CCDC7: variants seen among roughly 807,000 people sequenced by gnomAD.
CCDC7 encodes the protein coiled-coil domain-containing protein 7.
CCDC7 carries 183 observed loss-of-function variants against 196.9 expected under a neutral mutation model. That is an observed-to-expected ratio of 0.93 (90% CI 0.82 to 1.05). The LOEUF is 1.05. Ranked by LOEUF, CCDC7 falls within the 50% of genes least tolerant of loss-of-function variation. The pLI, the probability that CCDC7 is intolerant of heterozygous loss-of-function variation, is 0.00. For synonymous variants in CCDC7, 525 were observed against 484.6 expected, an observed-to-expected ratio of 1.08 and a Z score of -1.10; for missense variants, 1,540 against 1,482.2, an observed-to-expected ratio of 1.04 and a Z score of -0.64.
At chr10:32,783,590 G>T (rs141643481) in intron 29 of CCDC7, among the ~76,000 whole-genome samples, 5 of 152,300 alleles carry the variant, frequency 3.3e-5, no homozygotes, top group African/African-American at 1.2e-4. Flanking sequence ...GTGGAAAACA[G>T]TTTGGTTGTT....
intron 11 of CCDC7, among the ~76,000 whole-genome samples, chr10:32,523,652 G>T (rs2048218054): frequency 6.6e-6 from 1 of 151,822 alleles, no homozygotes; most frequent in Admixed American, 6.6e-5. Context: ...ATATCTGGGT[G>T]TTCCAGTGTT....
At chr10:32,856,763 GA>G (rs2093770455) in intron 41 of CCDC7, among the ~76,000 whole-genome samples, 1 of 152,010 alleles carries the variant, frequency 6.6e-6, no homozygotes, top group Non-Finnish European at 1.5e-5. Context: ...TAAACCTCTG[GA>G]AAACCTCTTC....
chr10:32,831,830 G>GT (rs564362279), intron 32 of CCDC7, among the ~76,000 whole-genome samples: 1 of 152,066 alleles, frequency 6.6e-6, no homozygotes, highest in Non-Finnish European at 1.5e-5. Context: ...TACAGTTAAT[G>GT]TTTTTTGTAA....
chr10:32,811,077 A>G (rs1757266989), intron 30 of CCDC7, among the ~76,000 whole-genome samples: 1 of 152,078 alleles, frequency 6.6e-6, no homozygotes, highest in African/African-American at 2.4e-5. Context: ...AAAGATTTCA[A>G]ATAAATTAAC....
rs560912353 is a variant in CCDC7, at chr10:32,783,459, T to C, written c.3013+4375T>C. Among the ~76,000 whole-genome samples, 91 of 152,256 alleles carry C rather than the reference T, an allele frequency of 6.0e-4. 3 individuals carry two copies. In the South Asian group the frequency reaches 0.019, roughly 31 times the overall value. On this transcript the variant is annotated intron_variant, in intron 29 of 41. Transcript: ENST00000639629. ...TGCAAACCAAAATCACAATAAGATA[T>C]CACTTCATAGCCATTAAGATGACTC...
At chr10:32,760,639 A>G (rs550966656) in intron 28 of CCDC7, among the ~76,000 whole-genome samples, 1 of 152,230 alleles carries the variant, frequency 6.6e-6, no homozygotes, top group South Asian at 2.1e-4. Flanking sequence ...AGATGTACCT[A>G]ATGCTAAATG....
intron 33 of CCDC7, among the ~76,000 whole-genome samples, chr10:32,839,786 G>A (rs915418828): frequency 1.4e-4 from 21 of 149,202 alleles, no homozygotes; most frequent in Middle Eastern, 3.6e-3. Context: ...TAAGAAAATC[G>A]AAATTATATC....
intron 24 of CCDC7, among the ~76,000 whole-genome samples, chr10:32,710,100 C>A (rs1441362516): frequency 6.6e-6 from 1 of 152,176 alleles, no homozygotes; most frequent in East Asian, 1.9e-4. Context: ...CCTCCTTGAG[C>A]AAAACCTATT....
chr10:32,873,762 G>C (rs574631020), intron 41 of CCDC7, among the ~76,000 whole-genome samples: 1 of 151,898 alleles, frequency 6.6e-6, no homozygotes, highest in South Asian at 2.1e-4. Flanking sequence ...GAATTGCCGG[G>C]TTGTGTAGGA....
intron 29 of CCDC7, among the ~76,000 whole-genome samples, chr10:32,788,284 T>A (rs548511307): frequency 1.3e-3 from 194 of 152,188 alleles, no homozygotes; most frequent in Non-Finnish European, 2.4e-3. Context: ...CCCTAGCAGC[T>A]CCAGGCTTCA....
chr10:32,667,483 T>A (rs574104157), intron 21 of CCDC7, among the ~76,000 whole-genome samples: 2 of 152,306 alleles, frequency 1.3e-5, no homozygotes, highest in East Asian at 1.9e-4. Flanking sequence ...GATTTTCTTC[T>A]AGGGTTTTTA....
At chr10:32,723,870 C>T (rs928833338) in intron 25 of CCDC7, among the ~76,000 whole-genome samples, 3 of 152,072 alleles carry the variant, frequency 2.0e-5, no homozygotes, top group African/African-American at 7.2e-5. Flanking sequence ...CGCAGGCTAT[C>T]TTTCAGTGTC....
rs113567070 is a variant in CCDC7, at chr10:32,574,522, A to G, written c.1454+2629A>G. The G allele has an allele frequency of 4.4e-4, 660 of 1,494,510 alleles. 4 individuals carry two copies. In the African/African-American group the frequency reaches 8.3e-3, roughly 19 times the overall value. The allele number at this position is 1,494,510 out of a possible 1,614,324, so 92.6% of individuals were successfully genotyped here. On this transcript the variant is annotated intron_variant, in intron 16 of 41. Coordinates refer to ENST00000639629, the Ensembl canonical transcript of CCDC7. ...GTAAGGAGACCCCACCTGAGCAGATACATGGTATTGCTTACAATAAAGTAC... is the reference window on the plus strand; with the variant it reads ...GTAAGGAGACCCCACCTGAGCAGATGCATGGTATTGCTTACAATAAAGTAC...
At chr10:32,453,323 G>T in intron 1 of CCDC7, 21 bp from the exon 3 acceptor site, 4 of 1,454,492 alleles carry the variant, frequency 2.8e-6, no homozygotes, top group Non-Finnish European at 3.6e-6. Flanking sequence ...TATCTAATTG[G>T]CTTTTATTTT....
intron 28 of CCDC7, among the ~76,000 whole-genome samples, chr10:32,767,119 C>A (rs1454091949): frequency 6.6e-6 from 1 of 151,998 alleles, no homozygotes; most frequent in African/African-American, 2.4e-5. Context: ...GGGCACCAAG[C>A]CATTCATGAG....
intron 8 of CCDC7, among the ~76,000 whole-genome samples, chr10:32,486,660 T>C: frequency 3.5e-5 from 2 of 56,356 alleles, no homozygotes; most frequent in Non-Finnish European, 3.6e-5. Context: ...TAGTGCTTCC[T>C]TCAGGAGCTC....
chr10:32,708,310 C>A (rs928389970), intron 24 of CCDC7, among the ~76,000 whole-genome samples: 1 of 152,130 alleles, frequency 6.6e-6, no homozygotes, highest in African/African-American at 2.4e-5. Context: ...ACAACTTGTA[C>A]AAAAATTAAT....
chr10:32,854,485 T>G lies in CCDC7; in HGVS notation c.4107T>G (p.Tyr1369Ter). 6.5e-7 allele frequency: 1 copy of G among 1,529,274 alleles called. No homozygotes were observed. Among genetic ancestry groups the G allele is most frequent in the Non-Finnish European group, 9.0e-7 (1 of 1,107,082 alleles). The allele number at this position is 1,529,274 out of a possible 1,614,324, so 94.7% of individuals were successfully genotyped here. ...CCAATACAGTTGGAAAACCTACCTA[T>G]AAAGGTAAAAGAATCACTACAATAC... The change falls in exon 41 of 42, where the codon TAT becomes TAG. Residue 1369 changes from tyrosine to a stop codon, truncating the protein, a stop_gained. Coordinates refer to ENST00000639629, the Ensembl canonical transcript of CCDC7. LOFTEE classifies it low-confidence loss of function (END_TRUNC).
chr10:32,649,102 G>A (rs530056201), intron 20 of CCDC7, among the ~76,000 whole-genome samples: 2 of 152,286 alleles, frequency 1.3e-5, no homozygotes, highest in Admixed American at 1.3e-4. Flanking sequence ...AGTGAGAGCT[G>A]ATGGATGAGA....
Sources: allele counts gnomAD v4.1 joint callset (sites outside exome capture counted in the v4.1 genomes callset), GRCh38; gene constraint gnomAD v4.1.1; transcripts MANE v1.5; gene names NCBI Gene and HGNC (gene_info 2026-07-23, HGNC 2026-07-21).